The following ENPP1 variants were observed in gnomAD, a reference collection of about 807,000 sequenced individuals.
The protein encoded by ENPP1 is ectonucleotide pyrophosphatase/phosphodiesterase family member 1.
ENPP1 carries 73 observed loss-of-function variants against 122.8 expected under a neutral mutation model. The observed-to-expected ratio is 0.59, with a 90% CI of 0.49 to 0.72. The LOEUF (loss-of-function observed/expected upper bound fraction) is 0.72, where lower values mean the gene tolerates loss of function less well. Ranked by LOEUF, ENPP1 falls within the 30% of genes least tolerant of loss-of-function variation. ENPP1 has a pLI of 0.00. For synonymous variants in ENPP1, 367 were observed against 391.6 expected, an observed-to-expected ratio of 0.94 and a Z score of 0.74; for missense variants, 978 against 1,128.1, an observed-to-expected ratio of 0.87 and a Z score of 1.91.
In ENPP1 at chr6:131,893,823, TTGAA is replaced by T. The variant is rs1180389924; in HGVS notation, c.*3315_*3318del. On this transcript the variant is annotated 3_prime_UTR_variant, in exon 25 of 25. Coordinates refer to ENST00000647893, the MANE Select transcript of ENPP1 (RefSeq NM_006208.3). ...AGTGACTGATCTCTACTCCCCCAGT[TTGAA>T]TGGTAAATTTGAATGGTAAATTCCC... is the stretch of plus-strand genomic sequence containing the variant. 1 of 152,070 alleles carries T rather than the reference TTGAA, an allele frequency of 6.6e-6. No homozygotes were observed. Among genetic ancestry groups the T allele is most frequent in the Non-Finnish European group, 1.5e-5 (1 of 68,008 alleles). 9.4% of individuals were successfully genotyped at this position (152,070 alleles called of 1,614,324 possible).
At chr6:131,865,951 G>A (rs1369356525) in intron 11 of ENPP1, among the ~76,000 whole-genome samples, 2 of 150,694 alleles carry the variant, frequency 1.3e-5, no homozygotes, top group Non-Finnish European at 2.9e-5. Context: ...AGCCGAGATC[G>A]CACCACTGTA....
chr6:131,819,858 A>G, intron 1 of ENPP1: 1 of 450,338 alleles, frequency 2.2e-6, no homozygotes, highest in Admixed American at 3.2e-5. Context: ...CAAATGATTG[A>G]TTCGACCAAT....
At position 131,838,032 on chromosome 6, in the gene ENPP1, A is replaced by T. The variant is rs367614321; in HGVS notation, c.241-9744A>T. 9.8e-5 allele frequency among the ~76,000 whole-genome samples: 15 copies of T among 152,308 alleles called. No individual in the cohort carries two copies. The East Asian group carries it at 1.9e-3, about 20-fold the overall frequency. ...CAGTATTTGAATAAATGACAATTCA[A>T]GAACTCATGAAAGACACCAATCTTT... On this transcript the variant is annotated intron_variant, in intron 1 of 24. Coordinates refer to ENST00000647893, the MANE Select transcript of ENPP1 (RefSeq NM_006208.3).
intron 17 of ENPP1, 77 bp from the exon 18 acceptor site, chr6:131,876,915 G>C: frequency 7.1e-7 from 1 of 1,415,350 alleles, no homozygotes; most frequent in Non-Finnish European, 1.0e-6. Flanking sequence ...TTTTAAAAAA[G>C]TAAAGATCAT....
intron 7 of ENPP1, 43 bp from the exon 8 acceptor site, chr6:131,860,344 T>A (rs779986490): frequency 3.5e-5 from 51 of 1,452,734 alleles, no homozygotes; most frequent in Non-Finnish European, 4.8e-5. Context: ...TATTTAACAT[T>A]AAGTAAACAC....
chr6:131,883,909 G>C lies in ENPP1; in HGVS notation c.2311+135G>C. On this transcript the variant is annotated intron_variant, in intron 22 of 24. Coordinates refer to ENST00000647893, the MANE Select transcript of ENPP1 (RefSeq NM_006208.3). ...TACATTCTTAAAGGTTTAACTTTGA[G>C]AATACTAGTACACAAAAATTCTACA... 3 of 593,502 alleles carry C rather than the reference G, an allele frequency of 5.1e-6. No individual in the cohort carries two copies. The South Asian group carries it at 6.1e-5, about 12-fold the overall frequency. The allele number at this position is 593,502 out of a possible 1,614,324, so 36.8% of individuals were successfully genotyped here.
At chr6:131,841,586 C>T (rs541963916) in intron 1 of ENPP1, among the ~76,000 whole-genome samples, 1 of 152,298 alleles carries the variant, frequency 6.6e-6, no homozygotes, top group South Asian at 2.1e-4. Flanking sequence ...TATGGTTTCT[C>T]CCCATTTATG....
chr6:131,852,780 T>A (rs1361971146), intron 5 of ENPP1, among the ~76,000 whole-genome samples: 1 of 152,166 alleles, frequency 6.6e-6, no homozygotes, highest in African/African-American at 2.4e-5. Context: ...GCTAAACTTG[T>A]AGAAAATTTA....
intron 1 of ENPP1, chr6:131,827,120 C>T: frequency 1.4e-6 from 1 of 704,134 alleles, no homozygotes; most frequent in Non-Finnish European, 2.7e-6. Flanking sequence ...AGACATTTGT[C>T]TGGAAGACTG....
At chr6:131,862,254 C>T (rs774838799) in intron 9 of ENPP1, among the ~76,000 whole-genome samples, 51 of 152,014 alleles carry the variant, frequency 3.4e-4, no homozygotes, top group African/African-American at 9.4e-4. Flanking sequence ...ACACCGATAA[C>T]GTGTTTAGTT....
At chr6:131,874,412 A>G (rs770448120) in intron 16 of ENPP1, 75 bp downstream of exon 16, 43 of 824,550 alleles carry the variant, frequency 5.2e-5, no homozygotes, top group Non-Finnish European at 8.1e-5. Context: ...ACTTGAAAAC[A>G]TACTGTGATT....
intron 4 of ENPP1, 87 bp downstream of exon 4, chr6:131,851,354 A>G: frequency 6.4e-7 from 1 of 1,560,464 alleles, no homozygotes; most frequent in South Asian, 1.1e-5. Context: ...TTATATTAGG[A>G]GTCATGGCTA....
intron 1 of ENPP1, among the ~76,000 whole-genome samples, chr6:131,844,234 A>G (rs1222513158): frequency 6.6e-6 from 1 of 152,256 alleles, no homozygotes; most frequent in Admixed American, 6.5e-5. Flanking sequence ...TCTGACATGC[A>G]CAAATTTCAG....
rs1425359924 is a variant in ENPP1, at chr6:131,872,956, C to T, written c.1471C>T (p.Leu491=). 4 of 1,613,624 alleles carry T rather than the reference C, an allele frequency of 2.5e-6. No homozygotes were observed. In the Admixed American group the frequency reaches 6.7e-5, roughly 27 times the overall value. ...REPNQHFKPY[L]KHFLPKRLHF... ...ACCAAACCAGCACTTCAAACCTTAC[C>T]TGAAACATTTCTTACCTAAGCGTTT... Residue 491 remains leucine, a synonymous_variant, in exon 15 of 25, where the codon CTG becomes TTG. Transcript: ENST00000647893.
intron 6 of ENPP1, among the ~76,000 whole-genome samples, chr6:131,855,705 G>T (rs917479436): frequency 6.6e-6 from 1 of 151,486 alleles, no homozygotes; most frequent in Non-Finnish European, 1.5e-5. Flanking sequence ...TACAGACATA[G>T]AATATTTGTC....
chr6:131,825,200 G>A (rs1454313178), intron 1 of ENPP1, among the ~76,000 whole-genome samples: 9 of 152,104 alleles, frequency 5.9e-5, no homozygotes, highest in Admixed American at 5.9e-4. Flanking sequence ...AATAGCTTTA[G>A]TGGCACAAAC....
intron 1 of ENPP1, among the ~76,000 whole-genome samples, chr6:131,837,512 C>T (rs1329208421): frequency 8.6e-6 from 1 of 116,504 alleles, no homozygotes; most frequent in African/African-American, 3.7e-5. Context: ...CAGTGTGAGA[C>T]TCTGTCTCAA....
Position 131,890,763 on chromosome 6 carries a change from C to A in ENPP1, c.*252C>A, listed in dbSNP as rs997541215. On this transcript the variant is annotated 3_prime_UTR_variant, in exon 25 of 25. Transcript: ENST00000647893. ...CAAGTTCGGGGGAATAAAGACAGAC[C>A]ACACCTAAAACTGCCTTTCTGCTTC... The A allele has an allele frequency of 2.0e-6, 1 of 501,600 alleles. No individual in the cohort carries two copies. Among genetic ancestry groups the A allele is most frequent in the East Asian group, 3.6e-5 (1 of 27,808 alleles). The allele number at this position is 501,600 out of a possible 1,614,324, so 31.1% of individuals were successfully genotyped here.
At chr6:131,874,421 T>TTA in intron 16 of ENPP1, 84 bp downstream of exon 16, 1 of 769,610 alleles carries the variant, frequency 1.3e-6, no homozygotes. Context: ...CATACTGTGA[T>TTA]TATATGTCTT....
Sources: allele counts gnomAD v4.1 joint callset (sites outside exome capture counted in the v4.1 genomes callset), GRCh38; gene constraint gnomAD v4.1.1; transcripts MANE v1.5; gene names NCBI Gene and HGNC (gene_info 2026-07-23, HGNC 2026-07-21).